The following GGACT variants were observed in gnomAD, a reference collection of about 807,000 sequenced individuals.
GGACT encodes gamma-glutamylamine cyclotransferase.
For missense variants in GGACT, 241 were observed against 233.2 expected (o/e 1.03, Z -0.22); for synonymous variants, 118 against 115.3 (o/e 1.02, Z -0.15).
intron 2 of GGACT, among the ~76,000 whole-genome samples, chr13:100,543,128 G>A (rs2088569509): frequency 6.9e-6 from 1 of 143,938 alleles, no homozygotes; most frequent in African/African-American, 2.6e-5. Flanking sequence ...CAGGTGAACC[G>A]AACAAGGAAA....
intron 2 of GGACT, chr13:100,539,923 C>A: frequency 6.8e-7 from 1 of 1,460,950 alleles, no homozygotes; most frequent in Non-Finnish European, 9.4e-7. Context: ...TGGTGGGGGA[C>A]GTGGGGCAGC....
At position 100,545,453 on chromosome 13, in the gene GGACT, C is replaced by T. The variant is rs545614367; in HGVS notation, c.-10-12852G>A. ...CCTGGAGGAGGGCACCCCCTCACTG[C>T]CCCCAAGCACTCCAGGGCCCCAGGC... On this transcript the variant is annotated intron_variant, in intron 2 of 2. Transcript: ENST00000683975. This position sits in a 1 kb window ranked among gnomAD's most constrained non-coding sequence, Gnocchi z 4.4. Among the ~76,000 whole-genome samples, 2 of 152,272 alleles carry T rather than the reference C, an allele frequency of 1.3e-5. No homozygotes were observed. Among genetic ancestry groups the T allele is most frequent in the Admixed American group, 1.3e-4 (2 of 15,304 alleles).
chr13:100,584,750 C>T (rs1426081311), intron 1 of GGACT, among the ~76,000 whole-genome samples: 2 of 152,152 alleles, frequency 1.3e-5, no homozygotes, highest in East Asian at 1.9e-4. Flanking sequence ...CACATTGTAT[C>T]TCATATACAC....
chr13:100,571,747 A>G (rs186031509), intron 2 of GGACT, among the ~76,000 whole-genome samples: 2 of 152,324 alleles, frequency 1.3e-5, no homozygotes, highest in Admixed American at 6.5e-5. Context: ...AAATGGGGAT[A>G]ATAATGCCCA....
At chr13:100,579,675 A>G (rs920289094) in intron 2 of GGACT, among the ~76,000 whole-genome samples, 5 of 152,152 alleles carry the variant, frequency 3.3e-5, no homozygotes, top group South Asian at 2.1e-4. Flanking sequence ...TACTCGGTCT[A>G]TTTCCATCAG....
chr13:100,534,588 C>T lies in GGACT; in HGVS notation c.-10-1987G>A, dbSNP rs1316578916. Among the ~76,000 whole-genome samples the T allele has an allele frequency of 3.3e-5, 5 of 151,886 alleles. No individual in the cohort carries two copies. Among genetic ancestry groups the T allele is most frequent in the South Asian group, 4.2e-4 (2 of 4,818 alleles). On this transcript the variant is annotated intron_variant, in intron 2 of 2. Coordinates refer to ENST00000683975, the MANE Select transcript of GGACT (RefSeq NM_001195087.2). The surrounding 1 kb of genome is among the most constrained non-coding windows in gnomAD (Gnocchi z 4.9). ...GCGGGCAAGGAGCTATCCCAAAAGACGAGCACCTGGGGGGCGATGATGGTT... is the reference window on the plus strand; with the variant it reads ...GCGGGCAAGGAGCTATCCCAAAAGATGAGCACCTGGGGGGCGATGATGGTT...
chr13:100,555,657 C>T (rs567346454), intron 2 of GGACT, among the ~76,000 whole-genome samples: 32 of 151,844 alleles, frequency 2.1e-4, no homozygotes, highest in South Asian at 8.3e-4. Flanking sequence ...GAGAGAGAGA[C>T]GCTGTCTCAA....
chr13:100,544,134 C>G (rs1357300646), intron 2 of GGACT, among the ~76,000 whole-genome samples: 2 of 152,158 alleles, frequency 1.3e-5, no homozygotes, highest in Non-Finnish European at 2.9e-5. Context: ...TGGAAACCTT[C>G]TTGTGTCTCA....
At position 100,532,168 on chromosome 13, in the gene GGACT, G is replaced by T. The variant is rs563916503; in HGVS notation, c.424C>A (p.Pro142Thr). ...CGGGGGTTGTAGCGCAGCCCGTGCG[G>T]CCCCTCGGAGTCGTAGCTGTCATGG... ...PHHDSYDSEG[P>T]HGLRYNPREN... The change falls in exon 3 of 3, where the codon CCG (proline) becomes ACG (threonine). Residue 142 changes from proline (P) to threonine (T), a missense_variant. Physicochemically the swap from Pro to Thr is conservative, Grantham distance 38. Transcript: ENST00000683975. The T allele has an allele frequency of 3.4e-6, 5 of 1,460,714 alleles. No individual in the cohort carries two copies. The South Asian group carries it at 5.7e-5, about 17-fold the overall frequency. The allele number at this position is 1,460,714 out of a possible 1,614,324, so 90.5% of individuals were successfully genotyped here.
chr13:100,561,619 C>T (rs779438467), intron 2 of GGACT, among the ~76,000 whole-genome samples: 11 of 152,186 alleles, frequency 7.2e-5, no homozygotes, highest in Non-Finnish European at 1.5e-4. Flanking sequence ...GTACTGGTTC[C>T]CTTCTCAGAT....
intron 2 of GGACT, among the ~76,000 whole-genome samples, chr13:100,548,464 T>A (rs2088628542): frequency 6.6e-6 from 1 of 152,248 alleles, no homozygotes; most frequent in Admixed American, 6.5e-5. Context: ...TGACAGAATA[T>A]TCTAGAAGGA....
In GGACT at chr13:100,573,256, G is replaced by T. The variant is rs374119132; in HGVS notation, c.-11+10569C>A. On this transcript the variant is annotated intron_variant, in intron 2 of 2. Coordinates refer to ENST00000683975, the MANE Select transcript of GGACT (RefSeq NM_001195087.2). ...CAGGGGGCAGCAGCTATATTAGTCT[G>T]GTATTCTAAACACCCTGGACTAAGG... Among the ~76,000 whole-genome samples the T allele has an allele frequency of 1.5e-3, 223 of 152,102 alleles. 1 individual carries two copies. The highest frequency in any genetic ancestry group is 5.1e-3 in the African/African-American group (210 of 41,494).
chr13:100,564,826 GGC>G (rs1406007745), intron 2 of GGACT, among the ~76,000 whole-genome samples: 1 of 152,214 alleles, frequency 6.6e-6, no homozygotes, highest in East Asian at 1.9e-4. Flanking sequence ...CCGGGCAGGG[GGC>G]GGGGGGGCTG....
At chr13:100,532,702 C>A in intron 2 of GGACT, 101 bp from the exon 3 acceptor site, 2 of 883,352 alleles carry the variant, frequency 2.3e-6, no homozygotes, top group Non-Finnish European at 3.4e-6. Context: ...TGGGGCCGCA[C>A]CACCTGAATG....
chr13:100,549,443 C>A (rs1199939783), intron 2 of GGACT, among the ~76,000 whole-genome samples: 1 of 152,278 alleles, frequency 6.6e-6, no homozygotes, highest in Admixed American at 6.5e-5. Flanking sequence ...CTGGTTGGCA[C>A]TGCCAGGCAG....
At chr13:100,552,349 T>C (rs545478052) in intron 2 of GGACT, among the ~76,000 whole-genome samples, 2 of 152,258 alleles carry the variant, frequency 1.3e-5, no homozygotes, top group South Asian at 4.1e-4. Context: ...GCAAAGCTGT[T>C]ATGGGCTGGA....
At chr13:100,560,923 G>A (rs1247689236) in intron 2 of GGACT, among the ~76,000 whole-genome samples, 5 of 152,178 alleles carry the variant, frequency 3.3e-5, no homozygotes. Flanking sequence ...GAACATCTCT[G>A]ACAGCCCAGG....
At chr13:100,585,183 A>G (rs1403319548) in intron 1 of GGACT, among the ~76,000 whole-genome samples, 2 of 152,336 alleles carry the variant, frequency 1.3e-5, no homozygotes, top group East Asian at 3.9e-4. Flanking sequence ...ACCAAGTAAC[A>G]TCGACAGTCA....
At chr13:100,572,032 A>C (rs1482165379) in intron 2 of GGACT, among the ~76,000 whole-genome samples, 1 of 152,232 alleles carries the variant, frequency 6.6e-6, no homozygotes, top group Admixed American at 6.5e-5. Context: ...TTTTGTGTGC[A>C]GGAAAAACCT....
Sources: gnomAD v4.1 joint callset for allele counts (sites outside exome capture counted in the v4.1 genomes callset) on GRCh38, gnomAD v4.1.1 for gene constraint, Gnocchi (gnomAD v3.1) non-coding constraint, MANE v1.5 for transcripts, NCBI Gene and HGNC (gene_info 2026-07-23, HGNC 2026-07-21) for gene names.